Variants in PIN4 observed in about 807,000 individuals in gnomAD.
PIN4 encodes the protein peptidylprolyl cis/trans isomerase, NIMA-interacting 4, also known as peptidyl-prolyl cis-trans isomerase NIMA-interacting 4.
Under a neutral mutation model 8.3 loss-of-function variants are expected in PIN4, and 3 were observed. The observed-to-expected ratio is 0.36, with a 90% CI of 0.16 to 0.93. The LOEUF is 0.93. PIN4 is among the 40% of genes least tolerant of loss of function. The pLI, the probability that PIN4 is intolerant of heterozygous loss-of-function variation, is 0.44. For missense variants in PIN4, 75 were observed against 100.6 expected (o/e 0.75, Z 1.09); for synonymous variants, 18 against 32.5 (o/e 0.55, Z 1.52).
rs142267658 is a variant in PIN4 at position 72,187,374 on chromosome X, C to T, written c.117+840C>T. On this transcript the variant is annotated intron_variant, in intron 2 of 3. Coordinates refer to ENST00000373669, the MANE Select transcript of PIN4 (RefSeq NM_006223.4). ...TAAGTGCTATGTAACAAGGCAATTTCCATGTTTTAGTCAGGATATGGGAGG... is the reference window on the plus strand; with the variant it reads ...TAAGTGCTATGTAACAAGGCAATTTTCATGTTTTAGTCAGGATATGGGAGG... Among the ~76,000 whole-genome samples the T allele has an allele frequency of 3.2e-3, 355 of 112,177 alleles. 1 individual carries two copies. The highest frequency in any genetic ancestry group is 0.011 in the African/African-American group (340 of 30,920).
chrX:72,210,249 A>T (rs1198616304), intron 3 of PIN4, among the ~76,000 whole-genome samples: 1 of 109,686 alleles, frequency 9.1e-6, no homozygotes, highest in Admixed American at 9.8e-5. Context: ...AAATAAATGG[A>T]AAAAAGATAT....
chrX:72,235,467 C>G (rs1192167640), intron 3 of PIN4, among the ~76,000 whole-genome samples: 2 of 103,975 alleles, frequency 1.9e-5, no homozygotes, highest in Non-Finnish European at 3.9e-5. Flanking sequence ...GCGATCTCAG[C>G]TCACTGCAAC....
At chrX:72,186,149 A>G (rs1404093643) in intron 1 of PIN4, 2 of 304,160 alleles carry the variant, frequency 6.6e-6, no homozygotes, top group Non-Finnish European at 1.2e-5. Context: ...ACGGCCCAGG[A>G]TGGCTTTGAA....
intron 2 of PIN4, among the ~76,000 whole-genome samples, chrX:72,188,962 C>G (rs2042717753): frequency 8.9e-6 from 1 of 111,804 alleles, no homozygotes. Context: ...TTTTATAAAG[C>G]CTTTTATTTT....
At chrX:72,208,717 G>C in intron 3 of PIN4, 1 of 1,127,609 alleles carries the variant, frequency 8.9e-7, no homozygotes, top group Non-Finnish European at 1.2e-6. Flanking sequence ...AAAAAAAGAA[G>C]AAGAGGAGAA....
chrX:72,253,599 T>G (rs1349264566), intron 3 of PIN4, among the ~76,000 whole-genome samples: 3 of 110,169 alleles, frequency 2.7e-5, no homozygotes, highest in Non-Finnish European at 5.7e-5. Flanking sequence ...CACTCCAGCC[T>G]GGGCGACAGA....
intron 3 of PIN4, among the ~76,000 whole-genome samples, chrX:72,231,534 T>G (rs1267600309): frequency 2.7e-5 from 3 of 111,193 alleles, no homozygotes; most frequent in Non-Finnish European, 5.7e-5. Flanking sequence ...AATCATATAT[T>G]TCAAAATAGC....
intron 3 of PIN4, among the ~76,000 whole-genome samples, chrX:72,251,660 G>A (rs1276162532): frequency 9.0e-6 from 1 of 111,414 alleles, no homozygotes; most frequent in African/African-American, 3.3e-5. Context: ...AGATAAAGAC[G>A]TTCAAGTGGA....
intron 2 of PIN4, among the ~76,000 whole-genome samples, chrX:72,187,052 G>A (rs988372017): frequency 8.9e-6 from 1 of 112,344 alleles, no homozygotes; most frequent in African/African-American, 3.2e-5. Context: ...TTTCTTTATA[G>A]TTTTTTAGTA....
chrX:72,214,511 A>G (rs925153359), intron 3 of PIN4, among the ~76,000 whole-genome samples: 1 of 109,405 alleles, frequency 9.1e-6, no homozygotes, highest in East Asian at 2.9e-4. Context: ...CATCTCTACT[A>G]AAAATACAAA....
intron 3 of PIN4, among the ~76,000 whole-genome samples, chrX:72,259,761 C>T (rs1469576578): frequency 2.4e-5 from 2 of 85,034 alleles, no homozygotes; most frequent in South Asian, 6.6e-4. Context: ...GACAGAGTCT[C>T]GCTCTATTGC....
At chrX:72,227,404 A>C (rs1251631103) in intron 3 of PIN4, among the ~76,000 whole-genome samples, 2 of 111,754 alleles carry the variant, frequency 1.8e-5, no homozygotes, top group Non-Finnish European at 3.8e-5. Flanking sequence ...CTCACCAGGT[A>C]CTCACTCCAA....
downstream of PIN4, among the ~76,000 whole-genome samples, chrX:72,201,915 C>T (rs2042791454): frequency 8.9e-6 from 1 of 112,775 alleles, no homozygotes; most frequent in Admixed American, 9.4e-5. Context: ...CACTCCACAG[C>T]ATAGGAGCTC....
chrX:72,202,547 A>AGAT (rs2042793939), downstream of PIN4, among the ~76,000 whole-genome samples: 1 of 112,169 alleles, frequency 8.9e-6, no homozygotes, highest in African/African-American at 3.2e-5. Context: ...AGAAAAACAA[A>AGAT]GATGTGTAGG....
intron 3 of PIN4, among the ~76,000 whole-genome samples, chrX:72,230,183 T>TAA (rs563210083): frequency 2.0e-5 from 2 of 101,699 alleles, no homozygotes; most frequent in African/African-American, 7.2e-5. Flanking sequence ...TCAAAAAAAA[T>TAA]AAAAAAAAAA....
chrX:72,185,004 C>T (rs1447247523), intron 1 of PIN4, among the ~76,000 whole-genome samples: 2 of 108,455 alleles, frequency 1.8e-5, no homozygotes, highest in African/African-American at 3.4e-5. Flanking sequence ...ATTAGCGGGG[C>T]GTGGTGGCAG....
chrX:72,195,812 G>A (rs1320896043), intron 2 of PIN4, among the ~76,000 whole-genome samples: 1 of 111,186 alleles, frequency 9.0e-6, no homozygotes, highest in Non-Finnish European at 1.9e-5. Flanking sequence ...GAAACACTTG[G>A]AGGTTTAAAA....
chrX:72,230,174 C>CA (rs1171837425), intron 3 of PIN4, among the ~76,000 whole-genome samples: 5 of 104,772 alleles, frequency 4.8e-5, no homozygotes, highest in African/African-American at 1.1e-4. Context: ...GACTCCGACT[C>CA]AAAAAAAATA....
At chrX:72,194,283 C>T (rs2042752225) in intron 2 of PIN4, among the ~76,000 whole-genome samples, 1 of 111,129 alleles carries the variant, frequency 9.0e-6, no homozygotes, top group African/African-American at 3.3e-5. Flanking sequence ...GTCTGTAATC[C>T]CAGCACTTTG....
Sources: allele counts gnomAD v4.1 joint callset (sites outside exome capture counted in the v4.1 genomes callset), GRCh38; gene constraint gnomAD v4.1.1; transcripts MANE v1.5; gene names NCBI Gene and HGNC (gene_info 2026-07-23, HGNC 2026-07-21).